The following OR9Q1 variants were observed in gnomAD, a reference collection of about 807,000 sequenced individuals.
OR9Q1 encodes olfactory receptor 9Q1.
For missense variants in OR9Q1, 374 were observed against 378.8 expected, an observed-to-expected ratio of 0.99 and a Z score of 0.11; for synonymous variants, 153 against 148.6, an observed-to-expected ratio of 1.03 and a Z score of -0.22.
At chr11:58,061,714 C>T (rs777641665) in intron 2 of OR9Q1, among the ~76,000 whole-genome samples, 4 of 152,196 alleles carry the variant, frequency 2.6e-5, no homozygotes, top group Non-Finnish European at 5.9e-5. Context: ...TCGGCAACAG[C>T]AAGGGCTATT....
At chr11:58,168,151 C>T (rs1854523114) in intron 2 of OR9Q1, among the ~76,000 whole-genome samples, 1 of 152,154 alleles carries the variant, frequency 6.6e-6, no homozygotes, top group African/African-American at 2.4e-5. Flanking sequence ...CCAGATTTGT[C>T]AAATCTTAAC....
chr11:58,053,609 A>AAAAATATATATAT (rs1853291537), intron 1 of OR9Q1, among the ~76,000 whole-genome samples: 4 of 68,750 alleles, frequency 5.8e-5, no homozygotes, highest in Non-Finnish European at 1.1e-4. Flanking sequence ...AATAAAATTA[A>AAAAATATATATAT]AAAATATATA....
chr11:58,180,071 T>G lies in OR9Q1; in HGVS notation c.627T>G (p.Ala209=). 6.2e-7 allele frequency: 1 copy of G among 1,614,224 alleles called. No individual in the cohort carries two copies. ...IIMFAIFVIP[A]SMVVILVSYL... is the part of the protein sequence containing the mutation. ...TGTTTGCCATTTTTGTCATCCCTGC[T>G]TCCATGGTGGTGATCTTGGTGTCCT... is the stretch of plus-strand genomic sequence containing the variant. The change falls in exon 3 of 3, where the codon GCT becomes GCG. Residue 209 remains alanine, a synonymous_variant. Coordinates refer to ENST00000335397, the MANE Select transcript of OR9Q1 (RefSeq NM_001005212.4).
intron 2 of OR9Q1, among the ~76,000 whole-genome samples, chr11:58,143,763 C>A (rs895660635): frequency 6.6e-6 from 1 of 151,896 alleles, no homozygotes; most frequent in Non-Finnish European, 1.5e-5. Flanking sequence ...GGGCTTAATA[C>A]CTAGGTGATG....
intron 2 of OR9Q1, among the ~76,000 whole-genome samples, chr11:58,069,665 G>A (rs1315634674): frequency 2.0e-5 from 3 of 152,108 alleles, no homozygotes; most frequent in African/African-American, 7.2e-5. Context: ...CTTGAGCCCA[G>A]GAGTTTGAGA....
intron 1 of OR9Q1, chr11:58,041,565 C>G (rs1450279135): frequency 6.6e-6 from 1 of 152,532 alleles, no homozygotes; most frequent in East Asian, 1.9e-4. Context: ...TGCAGACAGC[C>G]AACGCTGTGT....
At chr11:58,123,803 A>G (rs1854060792) in intron 2 of OR9Q1, among the ~76,000 whole-genome samples, 1 of 152,100 alleles carries the variant, frequency 6.6e-6, no homozygotes, top group South Asian at 2.1e-4. Flanking sequence ...CCTCTCTAAA[A>G]CCATTAGGCA....
intron 2 of OR9Q1, among the ~76,000 whole-genome samples, chr11:58,079,696 C>T (rs926921006): frequency 5.9e-5 from 9 of 152,158 alleles, no homozygotes; most frequent in Non-Finnish European, 8.8e-5. Context: ...GCCTGGATAG[C>T]TTACTGGAGA....
intron 1 of OR9Q1, among the ~76,000 whole-genome samples, chr11:58,053,662 A>ATTATATATATAT (rs1853297671): frequency 1.0e-4 from 13 of 130,040 alleles, no homozygotes; most frequent in South Asian, 2.4e-4. Flanking sequence ...TATATATAAA[A>ATTATATATATAT]TATATATATA....
intron 2 of OR9Q1, among the ~76,000 whole-genome samples, chr11:58,070,663 C>T (rs943796886): frequency 6.6e-6 from 1 of 152,178 alleles, no homozygotes; most frequent in Non-Finnish European, 1.5e-5. Context: ...AACCACTCAA[C>T]ACAGATAGTA....
intron 2 of OR9Q1, among the ~76,000 whole-genome samples, chr11:58,058,755 C>T (rs550865915): frequency 7.2e-5 from 11 of 152,190 alleles, no homozygotes; most frequent in Admixed American, 6.5e-4. Flanking sequence ...CCCTCGCCCC[C>T]GATCTGCTTC....
intron 2 of OR9Q1, among the ~76,000 whole-genome samples, chr11:58,130,933 T>A: frequency 6.6e-6 from 1 of 152,304 alleles, no homozygotes; most frequent in Middle Eastern, 3.4e-3. Context: ...ATAAAGGATG[T>A]AATTATTAAT....
At chr11:58,165,455 A>G (rs532531225) in intron 2 of OR9Q1, among the ~76,000 whole-genome samples, 106 of 152,312 alleles carry the variant, frequency 7.0e-4, no homozygotes, top group African/African-American at 2.5e-3. Context: ...AATTCTGTAG[A>G]CATTTACTGA....
chr11:58,031,665 G>A (rs745475593), intron 1 of OR9Q1: 105 of 1,613,802 alleles, frequency 6.5e-5, no homozygotes, highest in East Asian at 5.3e-4. Flanking sequence ...GCTGCTGAGC[G>A]CTGGAAGGCC....
chr11:58,109,162 G>A (rs1213136035), intron 2 of OR9Q1: 1 of 499,710 alleles, frequency 2.0e-6, no homozygotes, highest in Non-Finnish European at 4.1e-6. Context: ...ACAACAGAAG[G>A]AGAGGGTGAA....
chr11:58,088,781 C>T (rs1009175566), intron 2 of OR9Q1, among the ~76,000 whole-genome samples: 3 of 151,750 alleles, frequency 2.0e-5, no homozygotes, highest in African/African-American at 7.3e-5. Flanking sequence ...GTTGCCTGTT[C>T]ACTCTGATGA....
In OR9Q1 at chr11:58,133,867, A is replaced by AT. The variant is rs201736569; in HGVS notation, c.-14-45559dup. ...TCCTTTGTGGATGAGTAATTTCCCC[A>AT]TTTTTGGAATTGTTCAGTTCTCATA... is the stretch of plus-strand genomic sequence containing the variant. On this transcript the variant is annotated intron_variant, in intron 2 of 2. Transcript: ENST00000335397. 6.1e-3 allele frequency among the ~76,000 whole-genome samples: 921 copies of AT among 152,052 alleles called. 9 individuals carry two copies. Among genetic ancestry groups the AT allele is most frequent in the African/African-American group, 0.021 (878 of 41,460 alleles).
At chr11:58,140,922 T>C (rs957548392) in intron 2 of OR9Q1, among the ~76,000 whole-genome samples, 3 of 152,240 alleles carry the variant, frequency 2.0e-5, no homozygotes, top group African/African-American at 7.2e-5. Flanking sequence ...CCCATGAGCA[T>C]GGAATGTTCT....
chr11:58,103,324 A>G (rs1853808272), intron 2 of OR9Q1, among the ~76,000 whole-genome samples: 2 of 152,116 alleles, frequency 1.3e-5, no homozygotes, highest in South Asian at 4.1e-4. Context: ...TGATTCAATT[A>G]TTTCCTACTG....
Sources: allele counts gnomAD v4.1 joint callset (sites outside exome capture counted in the v4.1 genomes callset), GRCh38; gene constraint gnomAD v4.1.1; transcripts MANE v1.5; gene names NCBI Gene and HGNC (gene_info 2026-07-23, HGNC 2026-07-21).